The following TMEM131L variants were observed in gnomAD, a reference collection of about 807,000 sequenced individuals.
The protein encoded by TMEM131L is transmembrane protein 131-like.
In TMEM131L, 54 loss-of-function variants were observed where a neutral mutation model predicts 192.2. The observed-to-expected ratio is 0.28, with a 90% CI of 0.23 to 0.35. The LOEUF (loss-of-function observed/expected upper bound fraction) is 0.35, where lower values mean the gene tolerates loss of function less well. Ranked by LOEUF, TMEM131L falls within the 10% of genes least tolerant of loss-of-function variation. The pLI, the probability that TMEM131L is intolerant of heterozygous loss-of-function variation, is 1.00. For synonymous variants in TMEM131L, 701 were observed against 704.9 expected, an observed-to-expected ratio of 0.99 and a Z score of 0.09; for missense variants, 1,888 against 1,972.9, an observed-to-expected ratio of 0.96 and a Z score of 0.82.
chr4:153,548,027 T>C (rs79447144), intron 3 of TMEM131L, among the ~76,000 whole-genome samples: 1 of 151,960 alleles, frequency 6.6e-6, no homozygotes, highest in Non-Finnish European at 1.5e-5. Context: ...TGTTTTTTTT[T>C]TTCTTCTTCT....
At chr4:153,566,433 C>CTG (rs925592111) in intron 7 of TMEM131L, among the ~76,000 whole-genome samples, 1 of 152,068 alleles carries the variant, frequency 6.6e-6, no homozygotes, top group African/African-American at 2.4e-5. Flanking sequence ...CTGTGTCCGG[C>CTG]TGAAACTTGG....
intron 3 of TMEM131L, among the ~76,000 whole-genome samples, chr4:153,530,223 C>T (rs1352083621): frequency 1.3e-5 from 2 of 151,940 alleles, no homozygotes; most frequent in African/African-American, 4.8e-5. Context: ...CAGGATATTC[C>T]AGGGGAAGTG....
chr4:153,501,951 T>TTTG (rs1733640151), intron 3 of TMEM131L, among the ~76,000 whole-genome samples: 1 of 149,644 alleles, frequency 6.7e-6, no homozygotes, highest in South Asian at 2.1e-4. Flanking sequence ...GGGTTTTTTT[T>TTTG]TTTTTTTTTT....
intron 16 of TMEM131L, 106 bp from the exon 17 acceptor site, chr4:153,590,947 A>T: frequency 2.9e-6 from 2 of 683,992 alleles, no homozygotes; most frequent in Non-Finnish European, 4.2e-6. Flanking sequence ...CTTTTCCTTT[A>T]AGTGGGAATA....
chr4:153,564,487 A>AT (rs1729068118), intron 7 of TMEM131L, among the ~76,000 whole-genome samples: 2 of 152,082 alleles, frequency 1.3e-5, no homozygotes, highest in African/African-American at 2.4e-5. Flanking sequence ...AGTTTGAGGC[A>AT]TTTTTTAATG....
In TMEM131L at chr4:153,501,026, T is replaced by C. The variant is rs906286443; in HGVS notation, c.239+27138T>C. Among the ~76,000 whole-genome samples the C allele has an allele frequency of 1.2e-4, 19 of 152,228 alleles. No homozygotes were observed. In the South Asian group the frequency reaches 3.9e-3, roughly 32 times the overall value. On this transcript the variant is annotated intron_variant, in intron 3 of 34. Transcript: ENST00000409959. ...GATAGAAAGTGGATAACTGATAGAA[T>C]ATGGTAACTGATGAAAGTGGAAGAT...
At chr4:153,549,088 C>A (rs1277088911) in intron 3 of TMEM131L, among the ~76,000 whole-genome samples, 1 of 152,022 alleles carries the variant, frequency 6.6e-6, no homozygotes, top group Non-Finnish European at 1.5e-5. Flanking sequence ...CCTCAGCCTC[C>A]AGAGTAGCTG....
At chr4:153,488,421 C>CGGGCCCTGGTGAGGGCA (rs1554020600) in intron 3 of TMEM131L, among the ~76,000 whole-genome samples, 1 of 152,092 alleles carries the variant, frequency 6.6e-6, no homozygotes, top group Non-Finnish European at 1.5e-5. Flanking sequence ...GAGTGGGGAC[C>CGGGCCCTGGTGAGGGCA]GGGCCCTGGT....
At chr4:153,523,469 C>T (rs1735257231) in intron 3 of TMEM131L, among the ~76,000 whole-genome samples, 1 of 152,148 alleles carries the variant, frequency 6.6e-6, no homozygotes, top group African/African-American at 2.4e-5. Flanking sequence ...AGGGAAATAG[C>T]ACTACATTGT....
chr4:153,629,632 G>A (rs1339616745), intron 31 of TMEM131L, among the ~76,000 whole-genome samples: 1 of 152,204 alleles, frequency 6.6e-6, no homozygotes, highest in Non-Finnish European at 1.5e-5. Flanking sequence ...GGAAACCCCT[G>A]TAATCTGGCT....
chr4:153,548,657 A>G (rs1223931423), intron 3 of TMEM131L, among the ~76,000 whole-genome samples: 1 of 152,200 alleles, frequency 6.6e-6, no homozygotes, highest in Non-Finnish European at 1.5e-5. Flanking sequence ...AGGAGGTACA[A>G]ACAGACTATA....
At chr4:153,594,393 A>G (rs1293117657) in intron 19 of TMEM131L, among the ~76,000 whole-genome samples, 1 of 152,168 alleles carries the variant, frequency 6.6e-6, no homozygotes, top group Non-Finnish European at 1.5e-5. Flanking sequence ...AGGAGTAAAC[A>G]TGTCATGTGG....
intron 3 of TMEM131L, among the ~76,000 whole-genome samples, chr4:153,490,085 A>G (rs1935168019): frequency 6.6e-6 from 1 of 151,772 alleles, no homozygotes; most frequent in African/African-American, 2.4e-5. Flanking sequence ...ATCATAGATG[A>G]GTCTCTTCCT....
chr4:153,598,954 A>C (rs1383044326), intron 21 of TMEM131L, among the ~76,000 whole-genome samples: 1 of 152,224 alleles, frequency 6.6e-6, no homozygotes, highest in East Asian at 1.9e-4. Context: ...ATTTAACTCA[A>C]CTTAGATAAT....
intron 15 of TMEM131L, among the ~76,000 whole-genome samples, chr4:153,588,472 T>C (rs1005301717): frequency 6.6e-6 from 1 of 151,376 alleles, no homozygotes; most frequent in Non-Finnish European, 1.5e-5. Flanking sequence ...GATCGGCTCC[T>C]GGTCTGTGCC....
intron 30 of TMEM131L, among the ~76,000 whole-genome samples, 194 bp downstream of exon 30, chr4:153,626,419 G>C (rs1383389292): frequency 6.6e-6 from 1 of 152,180 alleles, no homozygotes; most frequent in Admixed American, 6.5e-5. Flanking sequence ...AGAGGCTCAG[G>C]TATCGCTATT....
intron 3 of TMEM131L, among the ~76,000 whole-genome samples, chr4:153,545,388 C>T (rs913311121): frequency 2.0e-5 from 3 of 151,014 alleles, no homozygotes; most frequent in Admixed American, 6.6e-5. Flanking sequence ...CCCGGGTTCA[C>T]GCCATTCTCC....
intron 21 of TMEM131L, among the ~76,000 whole-genome samples, chr4:153,601,775 C>T (rs1731854968): frequency 6.6e-6 from 1 of 152,196 alleles, no homozygotes; most frequent in Non-Finnish European, 1.5e-5. Context: ...GTGAGAATTA[C>T]AGGGCATGGG....
chr4:153,614,542 G>A (rs1433894782), intron 26 of TMEM131L, among the ~76,000 whole-genome samples: 3 of 152,162 alleles, frequency 2.0e-5, no homozygotes, highest in African/African-American at 7.2e-5. Context: ...GTGGACAGTG[G>A]TTAACAAATT....
Sources: gnomAD v4.1 joint callset for allele counts (sites outside exome capture counted in the v4.1 genomes callset) on GRCh38, gnomAD v4.1.1 for gene constraint, MANE v1.5 for transcripts, NCBI Gene and HGNC (gene_info 2026-07-23, HGNC 2026-07-21) for gene names.